Variants in MFSD6 observed in about 807,000 individuals in gnomAD.
MFSD6 encodes major facilitator superfamily domain-containing protein 6.
Under a neutral mutation model 56.3 loss-of-function variants are expected in MFSD6, and 26 were observed. That is an observed-to-expected ratio of 0.46 (90% CI 0.34 to 0.64). The LOEUF (loss-of-function observed/expected upper bound fraction) is 0.64, where lower values mean the gene tolerates loss of function less well. Among genes scored for constraint, MFSD6 ranks in the 30% least tolerant of loss-of-function variants. The probability of loss-of-function intolerance (pLI) is 0.01; values close to 1 mark genes in which losing one functional copy is unlikely to be tolerated. For missense variants in MFSD6, 750 were observed against 986.2 expected (o/e 0.76, Z 3.21); for synonymous variants, 331 against 366.9 (o/e 0.90, Z 1.12).
intron 3 of MFSD6, chr2:190,464,846 G>T: frequency 1.2e-6 from 1 of 868,618 alleles, no homozygotes; most frequent in Non-Finnish European, 1.4e-6. Flanking sequence ...GTAGATAGTG[G>T]CATCTTAATA....
rs1689525047 is a variant in MFSD6, at chr2:190,494,102, T to A, written c.1892-3337T>A. ...TGAAAAGATAAATAAAATTGATATA[T>A]CATTAACAAGATTAACCAAGAAAAG... On this transcript the variant is annotated intron_variant, in intron 6 of 7. Transcript: ENST00000392328. The surrounding 1 kb of genome is among the most constrained non-coding windows in gnomAD (Gnocchi z 5.7). 6.6e-6 allele frequency among the ~76,000 whole-genome samples: 1 copy of A among 151,788 alleles called. No homozygotes were observed.
Position 190,500,261 on chromosome 2 carries a change from T to A in MFSD6, c.*43T>A, listed in dbSNP as rs1464024731. On this transcript the variant is annotated 3_prime_UTR_variant, in exon 8 of 8. Coordinates refer to ENST00000392328, the MANE Select transcript of MFSD6 (RefSeq NM_017694.4). This position sits in a 1 kb window ranked among gnomAD's most constrained non-coding sequence, Gnocchi z 5.3. Reference sequence around the variant, plus strand: ...CACACCCTGCATGGAATCAGGCTCCTCAGCCAGGACACAGGGTGAGGCCCC... The same window carrying A: ...CACACCCTGCATGGAATCAGGCTCCACAGCCAGGACACAGGGTGAGGCCCC... 2 of 1,607,000 alleles carry A rather than the reference T, an allele frequency of 1.2e-6. No individual in the cohort carries two copies. The highest frequency in any genetic ancestry group is 1.7e-6 in the Non-Finnish European group (2 of 1,174,968).
Position 190,438,657 on chromosome 2 carries a change from C to G in MFSD6, c.1532+1096C>G, listed in dbSNP as rs1022293709. The stretch of plus-strand genomic sequence containing the variant: ...AGCCAACTCCACTTAAGCATTCTTG[C>G]CTTACAGAAAAGTACGACATGTCTG... On this transcript the variant is annotated intron_variant, in intron 3 of 7. Coordinates refer to ENST00000392328, the MANE Select transcript of MFSD6 (RefSeq NM_017694.4). This position sits in a 1 kb window ranked among gnomAD's most constrained non-coding sequence, Gnocchi z 5.2. 2.0e-5 allele frequency among the ~76,000 whole-genome samples: 3 copies of G among 152,168 alleles called. No homozygotes were observed. Among genetic ancestry groups the G allele is most frequent in the African/African-American group, 7.2e-5 (3 of 41,424 alleles).
chr2:190,437,606 A>T lies in MFSD6; in HGVS notation c.1532+45A>T. The stretch of plus-strand genomic sequence containing the variant: ...TGCTGCCCCTCAGCAATTGAACTTT[A>T]TCTTTTTATGGTTTATAGCTCCTTC... On this transcript the variant is annotated intron_variant, in intron 3 of 7. Transcript: ENST00000392328. The surrounding 1 kb of genome is among the most constrained non-coding windows in gnomAD (Gnocchi z 5.9). 6 of 1,571,606 alleles carry T rather than the reference A, an allele frequency of 3.8e-6. No homozygotes were observed. The highest frequency in any genetic ancestry group is 4.3e-6 in the Non-Finnish European group (5 of 1,157,700).
In MFSD6 at chr2:190,423,851, A is replaced by C. The variant is rs779594689; in HGVS notation, c.-54+8438A>C. Among the ~76,000 whole-genome samples, 8 of 152,192 alleles carry C rather than the reference A, an allele frequency of 5.3e-5. No individual in the cohort carries two copies. Among genetic ancestry groups the C allele is most frequent in the African/African-American group, 7.2e-5 (3 of 41,452 alleles). ...CATTCTTATAGACGTGTAGTGATAT[A>C]GCATCATGGTTTTAATTTACATTTC... On this transcript the variant is annotated intron_variant, in intron 2 of 7. Coordinates refer to ENST00000392328, the MANE Select transcript of MFSD6 (RefSeq NM_017694.4). The surrounding 1 kb of genome is among the most constrained non-coding windows in gnomAD (Gnocchi z 4.3).
chr2:190,431,065 C>T lies in MFSD6; in HGVS notation c.-53-4912C>T, dbSNP rs1169838220. On this transcript the variant is annotated intron_variant, in intron 2 of 7. Coordinates refer to ENST00000392328, the MANE Select transcript of MFSD6 (RefSeq NM_017694.4). The surrounding 1 kb of genome is among the most constrained non-coding windows in gnomAD (Gnocchi z 4.4). ...GCAGAGGCGCTCCTCACCTCCCAGA[C>T]GGGGTCGCAGCCGGGCAGAGGCGCT... 3.1e-3 allele frequency among the ~76,000 whole-genome samples: 442 copies of T among 144,200 alleles called. No homozygotes were observed. The highest frequency in any genetic ancestry group is 8.8e-3 in the Middle Eastern group (2 of 226). 94.6% of individuals were successfully genotyped at this position (144,200 alleles called of 152,430 possible). A position where few individuals can be genotyped will look rare whatever the true frequency, so the allele number is the denominator to read the frequency against.
intron 4 of MFSD6, among the ~76,000 whole-genome samples, chr2:190,472,286 T>C (rs1353276900): frequency 2.6e-5 from 4 of 151,972 alleles, no homozygotes; most frequent in Non-Finnish European, 5.9e-5. Flanking sequence ...ATCAAACTAC[T>C]CCGAGCTAAA....
Position 190,489,718 on chromosome 2 carries a change from C to T in MFSD6, c.1793-50C>T. 1 of 1,524,566 alleles carries T rather than the reference C, an allele frequency of 6.6e-7. No homozygotes were observed. The highest frequency in any genetic ancestry group is 9.0e-7 in the Non-Finnish European group (1 of 1,106,762). The allele number at this position is 1,524,566 out of a possible 1,614,324, so 94.4% of individuals were successfully genotyped here. A position where few individuals can be genotyped will look rare whatever the true frequency, so the allele number is the denominator to read the frequency against. The stretch of plus-strand genomic sequence containing the variant: ...GAAAACTGATGGTTTTAGATGAGCG[C>T]TATCTGCATTTCTTGGAATTACTCT... On this transcript the variant is annotated intron_variant, in intron 5 of 7. Coordinates refer to ENST00000392328, the MANE Select transcript of MFSD6 (RefSeq NM_017694.4). This position sits in a 1 kb window ranked among gnomAD's most constrained non-coding sequence, Gnocchi z 6.6.
At chr2:190,446,522 TAA>T (rs1179009416) in intron 3 of MFSD6, among the ~76,000 whole-genome samples, 1 of 152,244 alleles carries the variant, frequency 6.6e-6, no homozygotes, top group Admixed American at 6.5e-5. Context: ...ATCTGCCTAA[TAA>T]CTCACTGGGA....
intron 3 of MFSD6, among the ~76,000 whole-genome samples, chr2:190,460,846 G>A (rs1687294337): frequency 6.6e-6 from 1 of 152,138 alleles, no homozygotes; most frequent in Non-Finnish European, 1.5e-5. Context: ...TGCCAGACAA[G>A]GTGACAAGGA....
In MFSD6 at chr2:190,417,472, C is replaced by A. The variant is rs978258285; in HGVS notation, c.-54+2059C>A. Among the ~76,000 whole-genome samples, 1 of 152,170 alleles carries A rather than the reference C, an allele frequency of 6.6e-6. No individual in the cohort carries two copies. Among genetic ancestry groups the A allele is most frequent in the Non-Finnish European group, 1.5e-5 (1 of 68,036 alleles). ...ATTGTGTGTGCCCCCGTCTTCTTCTCGCCTCTGGGTGTCATGACAGGGACT... is the reference window on the plus strand; with the variant it reads ...ATTGTGTGTGCCCCCGTCTTCTTCTAGCCTCTGGGTGTCATGACAGGGACT... On this transcript the variant is annotated intron_variant, in intron 2 of 7. Transcript: ENST00000392328. The surrounding 1 kb of genome is among the most constrained non-coding windows in gnomAD (Gnocchi z 5.7).
At chr2:190,430,273 T>G (rs1018462852) in intron 2 of MFSD6, among the ~76,000 whole-genome samples, 2 of 149,646 alleles carry the variant, frequency 1.3e-5, no homozygotes, top group African/African-American at 4.9e-5. Flanking sequence ...GGCAGGGTCA[T>G]AGGATAGTAG....
intron 4 of MFSD6, among the ~76,000 whole-genome samples, chr2:190,472,603 A>C (rs968000713): frequency 6.6e-6 from 1 of 152,230 alleles, no homozygotes; most frequent in African/African-American, 2.4e-5. Context: ...GACCAAATCT[A>C]CATCTGATTG....
rs1301818613 is a variant in MFSD6 at position 190,454,988 on chromosome 2, ATGTAT to A, written c.1533-14769_1533-14765del. ...TATGTATATGTATATGTATATGTAT[ATGTAT>A]ATGTATAATGTATATGTATATGTAT... On this transcript the variant is annotated intron_variant, in intron 3 of 7. Coordinates refer to ENST00000392328, the MANE Select transcript of MFSD6 (RefSeq NM_017694.4). This position sits in a 1 kb window ranked among gnomAD's most constrained non-coding sequence, Gnocchi z 4.6. 1.4e-3 allele frequency among the ~76,000 whole-genome samples: 93 copies of A among 67,328 alleles called. No homozygotes were observed. The highest frequency in any genetic ancestry group is 3.2e-3 in the African/African-American group (90 of 28,384). 44.2% of individuals were successfully genotyped at this position (67,328 alleles called of 152,430 possible).
At chr2:190,450,234 C>T (rs1281630517) in intron 3 of MFSD6, among the ~76,000 whole-genome samples, 2 of 151,976 alleles carry the variant, frequency 1.3e-5, no homozygotes, top group Non-Finnish European at 1.5e-5. Flanking sequence ...TCTACATATA[C>T]ATGGAAATAT....
In MFSD6 at chr2:190,459,783, A is replaced by G. The variant is rs1012524691; in HGVS notation, c.1533-9975A>G. Among the ~76,000 whole-genome samples the G allele has an allele frequency of 3.9e-5, 6 of 152,226 alleles. No homozygotes were observed. Among genetic ancestry groups the G allele is most frequent in the African/African-American group, 7.2e-5 (3 of 41,462 alleles). ...GGAAGAATCTGAACACAACAAAATG[A>G]TTTCCAGCTAGTAGAGACTCAGACC... On this transcript the variant is annotated intron_variant, in intron 3 of 7. Transcript: ENST00000392328. This position sits in a 1 kb window ranked among gnomAD's most constrained non-coding sequence, Gnocchi z 5.3.
At chr2:190,411,148 A>C in intron 1 of MFSD6, 1 of 976,338 alleles carries the variant, frequency 1.0e-6, no homozygotes, top group Non-Finnish European at 1.2e-6. Context: ...TTGTCCCCAA[A>C]CTGTTGACAG....
At chr2:190,493,952 G>C (rs1180616182) in intron 6 of MFSD6, among the ~76,000 whole-genome samples, 1 of 151,828 alleles carries the variant, frequency 6.6e-6, no homozygotes, top group South Asian at 2.1e-4. Context: ...ACACCTCAAG[G>C]AACTAGAGAA....
At chr2:190,474,848 C>T (rs1393969413) in intron 4 of MFSD6, among the ~76,000 whole-genome samples, 1 of 152,176 alleles carries the variant, frequency 6.6e-6, no homozygotes, top group African/African-American at 2.4e-5. Flanking sequence ...TCCAGCAGCA[C>T]ATCAAAAAGC....
Sources: gnomAD v4.1 joint callset for allele counts (sites outside exome capture counted in the v4.1 genomes callset) on GRCh38, gnomAD v4.1.1 for gene constraint, Gnocchi (gnomAD v3.1) non-coding constraint, MANE v1.5 for transcripts, NCBI Gene and HGNC (gene_info 2026-07-23, HGNC 2026-07-21) for gene names.